Variants in SSBP3 observed in about 807,000 individuals in gnomAD.
SSBP3 encodes the protein single-stranded DNA-binding protein 3.
Under a neutral mutation model 69.6 loss-of-function variants are expected in SSBP3, and 5 were observed. That is an observed-to-expected ratio of 0.07 (90% CI 0.04 to 0.15). The LOEUF (loss-of-function observed/expected upper bound fraction) is 0.15. Ranked by LOEUF, SSBP3 falls within the 10% of genes least tolerant of loss-of-function variation. The pLI is 1.00. For synonymous variants in SSBP3, 196 were observed against 193.4 expected (o/e 1.01, Z -0.11); for missense variants, 312 against 534.0 (o/e 0.58, Z 4.10).
intron 4 of SSBP3, among the ~76,000 whole-genome samples, chr1:54,328,053 C>T (rs554100623): frequency 6.6e-6 from 1 of 152,196 alleles, no homozygotes; most frequent in South Asian, 2.1e-4. Flanking sequence ...GGGAAGAGGA[C>T]GGGCGACTCT....
chr1:54,345,714 C>T (rs1380059766), intron 4 of SSBP3, among the ~76,000 whole-genome samples: 1 of 152,184 alleles, frequency 6.6e-6, no homozygotes, highest in African/African-American at 2.4e-5. Flanking sequence ...AGATTCCTAA[C>T]AGAAGATTAC....
At chr1:54,366,969 T>G (rs966179147) in intron 4 of SSBP3, among the ~76,000 whole-genome samples, 3 of 152,176 alleles carry the variant, frequency 2.0e-5, no homozygotes, top group Non-Finnish European at 2.9e-5. Context: ...ACTAAGCCTC[T>G]CAGAGCCTCC....
chr1:54,249,506 G>A (rs937895958), intron 9 of SSBP3, among the ~76,000 whole-genome samples: 3 of 151,906 alleles, frequency 2.0e-5, no homozygotes, highest in African/African-American at 7.3e-5. Context: ...ACCAGTCTGG[G>A]CAACATGGCA....
At chr1:54,335,213 A>G (rs930298238) in intron 4 of SSBP3, among the ~76,000 whole-genome samples, 4 of 152,250 alleles carry the variant, frequency 2.6e-5, no homozygotes, top group African/African-American at 9.6e-5. Flanking sequence ...AAATAAAGCC[A>G]CATGTGCAAA....
chr1:54,250,621 A>C (rs1390379215), intron 9 of SSBP3, among the ~76,000 whole-genome samples: 2 of 152,172 alleles, frequency 1.3e-5, no homozygotes, highest in Non-Finnish European at 2.9e-5. Context: ...GCACGCAACC[A>C]AGGGAGTGAC....
intron 4 of SSBP3, among the ~76,000 whole-genome samples, chr1:54,311,917 C>A (rs1041468549): frequency 6.6e-6 from 1 of 152,158 alleles, no homozygotes; most frequent in Non-Finnish European, 1.5e-5. Flanking sequence ...CCCTGCCCAG[C>A]GCACTCACAG....
At chr1:54,374,883 GC>G (rs1030005015) in intron 4 of SSBP3, among the ~76,000 whole-genome samples, 2 of 152,212 alleles carry the variant, frequency 1.3e-5, no homozygotes, top group African/African-American at 4.8e-5. Flanking sequence ...AGGTCATACA[GC>G]CGAAGCACAA....
chr1:54,308,520 G>A (rs1224720762), intron 4 of SSBP3, among the ~76,000 whole-genome samples: 1 of 150,892 alleles, frequency 6.6e-6, no homozygotes, highest in Non-Finnish European at 1.5e-5. Context: ...AGAATGGCGT[G>A]AACCCGGGAG....
chr1:54,411,260 A>G (rs1570092388), upstream of SSBP3, among the ~76,000 whole-genome samples: 1 of 152,048 alleles, frequency 6.6e-6, no homozygotes, highest in Non-Finnish European at 1.5e-5. Context: ...CAGGCAGATC[A>G]TGAGGTCAAG....
intron 4 of SSBP3, among the ~76,000 whole-genome samples, chr1:54,289,592 C>T (rs371419022): frequency 5.3e-5 from 8 of 151,928 alleles, no homozygotes; most frequent in East Asian, 1.9e-4. Flanking sequence ...TCTGGGCAGG[C>T]GCTGTGAGCG....
At chr1:54,338,544 T>A (rs1267129592) in intron 4 of SSBP3, among the ~76,000 whole-genome samples, 1 of 152,166 alleles carries the variant, frequency 6.6e-6, no homozygotes, top group Admixed American at 6.5e-5. Context: ...CTCAGCCAAC[T>A]ATTCAGGGTA....
Position 54,332,934 on chromosome 1 carries a change from GCA to G in SSBP3, c.277-51409_277-51408del, listed in dbSNP as rs903666794. Among the ~76,000 whole-genome samples the G allele has an allele frequency of 1.4e-4, 22 of 152,156 alleles. No individual in the cohort carries two copies. The East Asian group carries it at 3.7e-3, about 26-fold the overall frequency. ...AACATGCACGCACACACACGCGCGAGCACACACACACGCGTGCGCCTCCTCCC... is the reference window on the plus strand; with the variant it reads ...AACATGCACGCACACACACGCGCGAGCACACACACGCGTGCGCCTCCTCCC... On this transcript the variant is annotated intron_variant, in intron 4 of 17. Transcript: ENST00000610401.
At chr1:54,277,326 C>T (rs1645306674) in intron 5 of SSBP3, among the ~76,000 whole-genome samples, 1 of 152,214 alleles carries the variant, frequency 6.6e-6, no homozygotes, top group South Asian at 2.1e-4. Flanking sequence ...TGAATGGGGA[C>T]TTCTTTGCTA....
At chr1:54,333,684 T>C (rs1409187664) in intron 4 of SSBP3, among the ~76,000 whole-genome samples, 1 of 152,236 alleles carries the variant, frequency 6.6e-6, no homozygotes, top group Non-Finnish European at 1.5e-5. Context: ...TGTGTCTCAG[T>C]TTTCTCATCT....
chr1:54,240,924 G>A (rs1644625384), exon 13 of SSBP3: 4 of 1,612,308 alleles, frequency 2.5e-6, no homozygotes, highest in Non-Finnish European at 3.4e-6. Flanking sequence ...TGGGCATAAT[G>A]GGTGTTCCTG....
intron 4 of SSBP3, among the ~76,000 whole-genome samples, chr1:54,397,710 G>A (rs1050006283): frequency 1.3e-5 from 2 of 152,194 alleles, no homozygotes; most frequent in African/African-American, 4.8e-5. Context: ...CACTCCCCAA[G>A]TTCTTCACTG....
chr1:54,391,617 C>A (rs1344868089), intron 4 of SSBP3, among the ~76,000 whole-genome samples: 1 of 152,192 alleles, frequency 6.6e-6, no homozygotes. Flanking sequence ...AGGCAGCGGC[C>A]CCAGGGAGCA....
intron 5 of SSBP3, among the ~76,000 whole-genome samples, chr1:54,262,085 T>C (rs541249880): frequency 3.3e-5 from 5 of 152,208 alleles, no homozygotes; most frequent in Admixed American, 6.5e-5. Flanking sequence ...AAATAGGGTT[T>C]GGAAGGAACT....
chr1:54,344,358 A>G (rs1486197906), intron 4 of SSBP3, among the ~76,000 whole-genome samples: 1 of 152,248 alleles, frequency 6.6e-6, no homozygotes, highest in African/African-American at 2.4e-5. Flanking sequence ...TGCACTGCAC[A>G]CAGTCTTGGC....
Sources: gnomAD v4.1 joint callset for allele counts (sites outside exome capture counted in the v4.1 genomes callset) on GRCh38, gnomAD v4.1.1 for gene constraint, MANE v1.5 for transcripts, NCBI Gene and HGNC (gene_info 2026-07-23, HGNC 2026-07-21) for gene names.